CSMD1: variants seen among roughly 807,000 people sequenced by gnomAD.
The protein encoded by CSMD1 is CUB and sushi domain-containing protein 1.
In CSMD1, 213 loss-of-function variants were observed where a neutral mutation model predicts 417.5. The ratio of observed to expected loss-of-function variants is 0.51; its 90% confidence interval spans 0.46 to 0.57. The LOEUF (loss-of-function observed/expected upper bound fraction) is 0.57. Among genes scored for constraint, CSMD1 ranks in the 20% least tolerant of loss-of-function variants. The pLI, the probability that CSMD1 is intolerant of heterozygous loss-of-function variation, is 0.00. For synonymous variants in CSMD1, 2,862 were observed against 1,736.8 expected (o/e 1.65, Z -16.11); for missense variants, 6,923 against 4,529.7 (o/e 1.53, Z -15.17).
At chr8:4,220,368 T>C (rs1267672820) in intron 3 of CSMD1, among the ~76,000 whole-genome samples, 2 of 152,256 alleles carry the variant, frequency 1.3e-5, no homozygotes, top group Admixed American at 6.5e-5. Flanking sequence ...GACCACACCA[T>C]GAGGAGGACC....
intron 3 of CSMD1, among the ~76,000 whole-genome samples, chr8:4,301,745 A>G (rs1449168447): frequency 6.6e-6 from 1 of 152,144 alleles, no homozygotes. Flanking sequence ...CATCTTCACT[A>G]TCATGTCCTG....
intron 2 of CSMD1, among the ~76,000 whole-genome samples, chr8:4,618,207 T>A (rs944596854): frequency 6.6e-6 from 1 of 152,030 alleles, no homozygotes; most frequent in African/African-American, 2.4e-5. Context: ...ATTTCCCCCA[T>A]CTGGAAAGAC....
intron 2 of CSMD1, among the ~76,000 whole-genome samples, chr8:4,506,090 T>G (rs573231281): frequency 6.6e-6 from 1 of 152,248 alleles, no homozygotes; most frequent in South Asian, 2.1e-4. Flanking sequence ...TAACCAAAAT[T>G]AATTACCACA....
intron 1 of CSMD1, among the ~76,000 whole-genome samples, chr8:4,648,635 A>G (rs541211045): frequency 6.6e-6 from 1 of 152,240 alleles, no homozygotes; most frequent in East Asian, 1.9e-4. Context: ...GCATATCACC[A>G]TTTACGTTGC....
intron 2 of CSMD1, among the ~76,000 whole-genome samples, chr8:4,422,573 C>G (rs899604411): frequency 4.6e-5 from 7 of 152,030 alleles, no homozygotes; most frequent in African/African-American, 1.7e-4. Flanking sequence ...AGAGCCCTCA[C>G]CAGGAACTGA....
intron 26 of CSMD1, among the ~76,000 whole-genome samples, chr8:3,267,467 G>C (rs1801519382): frequency 6.6e-6 from 1 of 152,206 alleles, no homozygotes; most frequent in African/African-American, 2.4e-5. Flanking sequence ...ATGTACACTG[G>C]TAAACAAGCT....
chr8:3,706,592 T>A (rs189474410), intron 7 of CSMD1, among the ~76,000 whole-genome samples: 2 of 152,286 alleles, frequency 1.3e-5, no homozygotes, highest in East Asian at 3.9e-4. Flanking sequence ...GAAGAGATAT[T>A]CTCCTTATTA....
intron 3 of CSMD1, among the ~76,000 whole-genome samples, chr8:4,290,513 T>C (rs569747156): frequency 1.1e-4 from 16 of 152,246 alleles, no homozygotes; most frequent in Non-Finnish European, 2.1e-4. Flanking sequence ...AAAGGACAGA[T>C]GATGTTTCTC....
At chr8:3,240,598 C>T (rs1322290923) in intron 26 of CSMD1, among the ~76,000 whole-genome samples, 2 of 151,900 alleles carry the variant, frequency 1.3e-5, no homozygotes, top group East Asian at 2.0e-4. Context: ...CAGTACAGCC[C>T]GGGTAATCTG....
At chr8:3,303,189 C>T (rs887643035) in intron 25 of CSMD1, among the ~76,000 whole-genome samples, 1 of 152,168 alleles carries the variant, frequency 6.6e-6, no homozygotes, top group Non-Finnish European at 1.5e-5. Flanking sequence ...TCTGTCCTGT[C>T]AGGAAAATTC....
intron 3 of CSMD1, among the ~76,000 whole-genome samples, chr8:4,239,746 T>G (rs942122997): frequency 1.3e-5 from 2 of 152,134 alleles, no homozygotes; most frequent in Non-Finnish European, 2.9e-5. Context: ...TGGGTGGTGG[T>G]TTCTTAATGA....
intron 16 of CSMD1, among the ~76,000 whole-genome samples, chr8:3,398,488 C>A (rs569795488): frequency 4.8e-4 from 73 of 152,168 alleles, no homozygotes; most frequent in African/African-American, 1.7e-3. Flanking sequence ...GCTGAAAAAC[C>A]TTTCCTGTGT....
At chr8:3,085,145 T>A (rs1814431739) in intron 49 of CSMD1, among the ~76,000 whole-genome samples, 1 of 152,168 alleles carries the variant, frequency 6.6e-6, no homozygotes, top group Non-Finnish European at 1.5e-5. Flanking sequence ...ACAGAAAGAC[T>A]GAATTCTAGA....
chr8:4,834,518 T>A (rs551680135), intron 1 of CSMD1, among the ~76,000 whole-genome samples: 2 of 151,894 alleles, frequency 1.3e-5, no homozygotes, highest in Non-Finnish European at 2.9e-5. Flanking sequence ...GATCAACACA[T>A]GAAGATAAGG....
At chr8:3,100,208 CTCCTGGCTAATTTTTGTATTTTT>C (rs1214131824) in intron 46 of CSMD1, among the ~76,000 whole-genome samples, 1 of 152,092 alleles carries the variant, frequency 6.6e-6, no homozygotes, top group Non-Finnish European at 1.5e-5. Context: ...CACACCACCC[CTCCTGGCTAATTTTTGTATTTTT>C]ATTTTAGAAA....
chr8:4,237,984 A>T (rs1471951369), intron 3 of CSMD1, among the ~76,000 whole-genome samples: 1 of 152,194 alleles, frequency 6.6e-6, no homozygotes, highest in African/African-American at 2.4e-5. Context: ...AGGGTGACAG[A>T]GGCATGCACA....
chr8:4,119,623 T>C (rs1379790727), intron 3 of CSMD1, among the ~76,000 whole-genome samples: 3 of 152,102 alleles, frequency 2.0e-5, no homozygotes, highest in African/African-American at 7.2e-5. Context: ...TTCTGCTCTG[T>C]CTGTGCTCTG....
intron 49 of CSMD1, among the ~76,000 whole-genome samples, chr8:3,080,516 C>G (rs1814010565): frequency 6.6e-6 from 1 of 152,180 alleles, no homozygotes; most frequent in Non-Finnish European, 1.5e-5. Flanking sequence ...TTCTCACTCA[C>G]AGACAATTGG....
At chr8:3,351,695 C>A (rs536627745) in intron 21 of CSMD1, among the ~76,000 whole-genome samples, 8 of 146,736 alleles carry the variant, frequency 5.5e-5, no homozygotes, top group African/African-American at 7.5e-5. Context: ...AAATGATATA[C>A]GAATAATTGT....
Sources: gnomAD v4.1 joint callset for allele counts (sites outside exome capture counted in the v4.1 genomes callset) on GRCh38, gnomAD v4.1.1 for gene constraint, MANE v1.5 for transcripts, NCBI Gene and HGNC (gene_info 2026-07-23, HGNC 2026-07-21) for gene names.